Variants in DPF1 observed in about 807,000 individuals in gnomAD.
DPF1 encodes zinc finger protein neuro-d4.
DPF1 carries 14 observed loss-of-function variants against 58.7 expected under a neutral mutation model. That is an observed-to-expected ratio of 0.24 (90% CI 0.16 to 0.37). The LOEUF is 0.37. Ranked by LOEUF, DPF1 falls within the 10% of genes least tolerant of loss-of-function variation. The pLI, the probability that DPF1 is intolerant of heterozygous loss-of-function variation, is 1.00. For synonymous variants in DPF1, 216 were observed against 216.0 expected, an observed-to-expected ratio of 1.00 and a Z score of 0.00; for missense variants, 345 against 529.9, an observed-to-expected ratio of 0.65 and a Z score of 3.43.
chr19:38,227,187 T>A (rs1440174143), upstream of DPF1, among the ~76,000 whole-genome samples: 1 of 151,410 alleles, frequency 6.6e-6, no homozygotes, highest in Non-Finnish European at 1.5e-5. Context: ...CAAGCGATCC[T>A]CCCACCTCAA....
upstream of DPF1, among the ~76,000 whole-genome samples, chr19:38,227,005 C>T (rs57702038): frequency 0.54 from 70,908 of 131,434 alleles, 19,450 homozygotes; most frequent in African/African-American, 0.66. Context: ...TTCCTTCCTT[C>T]CTTCCTTCCT....
At chr19:38,218,700 G>A (rs1470645522) in intron 4 of DPF1, 38 bp from the exon 5 acceptor site, 1 of 1,610,066 alleles carries the variant, frequency 6.2e-7, no homozygotes, top group Non-Finnish European at 8.5e-7. Context: ...AAGAAAGTGG[G>A]GGCCACTGAC....
chr19:38,217,544 TGTAGTG>T lies in DPF1; in HGVS notation c.637_642del (p.His213_Tyr214del). 1 of 1,551,062 alleles carries T rather than the reference TGTAGTG, an allele frequency of 6.4e-7. No homozygotes were observed. Among genetic ancestry groups the T allele is most frequent in the Non-Finnish European group, 8.7e-7 (1 of 1,146,846 alleles). On this transcript the variant is annotated inframe_deletion, in exon 7 of 12. Transcript: ENST00000355526. ...TCCTCCTCGGCCAGGTGGGTGTGGG[TGTAGTG>T]GTAGCTGAGCCCCGGCCGGTTCTTA...
Position 38,224,100 on chromosome 19 carries a change from C to T in DPF1, c.29+14G>A. ...GCCCGCGCTTCCTCTCCGCCTCCCGCCGGCCCGCACCACCTCAGGGGGCCA... is the reference window on the plus strand; with the variant it reads ...GCCCGCGCTTCCTCTCCGCCTCCCGTCGGCCCGCACCACCTCAGGGGGCCA... On this transcript the variant is annotated intron_variant, in intron 1 of 11. Coordinates refer to ENST00000355526, the MANE Select transcript of DPF1 (RefSeq NM_001135155.3). The surrounding 1 kb of genome is among the most constrained non-coding windows in gnomAD (Gnocchi z 4.5). 1 of 1,502,546 alleles carries T rather than the reference C, an allele frequency of 6.7e-7. No homozygotes were observed. The allele number at this position is 1,502,546 out of a possible 1,614,324, so 93.1% of individuals were successfully genotyped here.
At chr19:38,228,571 C>T (rs1190188357), upstream of DPF1, 7 of 141,772 alleles carry the variant, frequency 4.9e-5, no homozygotes, top group Non-Finnish European at 9.3e-5. Flanking sequence ...GCCTCGCTCG[C>T]CTGCGGGGAG....
chr19:38,218,732 C>T (rs1182911742), intron 4 of DPF1, 70 bp from the exon 5 acceptor site: 1 of 1,578,798 alleles, frequency 6.3e-7, no homozygotes, highest in African/African-American at 1.3e-5. Context: ...GGGCTCTGGG[C>T]AAAGGTGGAG....
chr19:38,212,754 G>T (rs1973545810), intron 10 of DPF1, among the ~76,000 whole-genome samples: 8 of 149,452 alleles, frequency 5.4e-5, no homozygotes, highest in Admixed American at 5.3e-4. Context: ...GGGACTACAG[G>T]TGTGCGCCAC....
In DPF1 at chr19:38,229,354, C is replaced by G. The variant is rs960248792; in HGVS notation, c.-132+205G>C. On this transcript the variant is annotated intron_variant, in intron 1 of 11. Transcript: ENST00000412732. This position sits in a 1 kb window ranked among gnomAD's most constrained non-coding sequence, Gnocchi z 5.3. ...TTCACTGACAGCGACAAAGAAGAGG[C>G]GCCCCCGCGACCCTGGAGGGGCTCC... Among the ~76,000 whole-genome samples the G allele has an allele frequency of 2.6e-5, 4 of 152,002 alleles. No individual in the cohort carries two copies. Among genetic ancestry groups the G allele is most frequent in the Non-Finnish European group, 5.9e-5 (4 of 67,966 alleles).
intron 3 of DPF1, 106 bp from the exon 4 acceptor site, chr19:38,219,164 C>T: frequency 2.0e-6 from 3 of 1,502,780 alleles, no homozygotes; most frequent in Non-Finnish European, 1.8e-6. Context: ...GAAGAGGCTG[C>T]AGAGGCAAGG....
intron 7 of DPF1, among the ~76,000 whole-genome samples, chr19:38,216,864 C>G (rs1967058196): frequency 6.6e-6 from 1 of 152,222 alleles, no homozygotes; most frequent in African/African-American, 2.4e-5. Context: ...CAACTGCACC[C>G]TCAGTAATTT....
At chr19:38,225,117 A>G (rs1489534771), upstream of DPF1, among the ~76,000 whole-genome samples, 2 of 152,176 alleles carry the variant, frequency 1.3e-5, no homozygotes, top group Non-Finnish European at 2.9e-5. Flanking sequence ...ATGGTGGCGC[A>G]TGCTTATACT....
chr19:38,226,480 C>T (rs1967824622), upstream of DPF1, among the ~76,000 whole-genome samples: 1 of 143,612 alleles, frequency 7.0e-6, no homozygotes. Context: ...CCAGTCAAGG[C>T]CTCCTACACT....
At chr19:38,224,363 A>G, upstream of DPF1, 1 of 1,145,244 alleles carries the variant, frequency 8.7e-7, no homozygotes, top group Non-Finnish European at 1.1e-6. This position sits in a 1 kb window ranked among gnomAD's most constrained non-coding sequence, Gnocchi z 4.5. Flanking sequence ...GGCGCGGAGG[A>G]GGGGCCCGGG....
Position 38,223,457 on chromosome 19 carries a change from C to T in DPF1, c.29+657G>A, listed in dbSNP as rs146173600. 2.1e-3 allele frequency among the ~76,000 whole-genome samples: 319 copies of T among 152,102 alleles called. 1 individual carries two copies. Among genetic ancestry groups the T allele is most frequent in the African/African-American group, 7.3e-3 (302 of 41,484 alleles). ...CACACATTTACAAAGATGCACGATG[C>T]GCAACCAGTATCTAAAATATCACAC... On this transcript the variant is annotated intron_variant, in intron 1 of 11. Coordinates refer to ENST00000355526, the MANE Select transcript of DPF1 (RefSeq NM_001135155.3).
upstream of DPF1, chr19:38,228,820 G>C (rs1967934075): frequency 6.6e-6 from 1 of 152,158 alleles, no homozygotes; most frequent in Non-Finnish European, 1.5e-5. Flanking sequence ...GGGAAGAGGC[G>C]AACGCTCGGA....
chr19:38,224,325 G>A, upstream of DPF1: 1 of 1,246,316 alleles, frequency 8.0e-7, no homozygotes. The surrounding 1 kb of genome is among the most constrained non-coding windows in gnomAD (Gnocchi z 4.5). Flanking sequence ...CAGGCCAGGG[G>A]GCCCCCGGGA....
chr19:38,218,836 G>A, intron 4 of DPF1, 95 bp downstream of exon 4: 2 of 1,573,606 alleles, frequency 1.3e-6, no homozygotes, highest in African/African-American at 1.3e-5. Flanking sequence ...GAAGAAACCG[G>A]GGGGGTTTCA....
chr19:38,224,064 C>A lies in DPF1; in HGVS notation c.29+50G>T. 6.7e-7 allele frequency: 1 copy of A among 1,488,498 alleles called. No individual in the cohort carries two copies. Among genetic ancestry groups the A allele is most frequent in the South Asian group, 1.4e-5 (1 of 71,734 alleles). The allele number at this position is 1,488,498 out of a possible 1,614,324, so 92.2% of individuals were successfully genotyped here. ...CCCGGTCGCCACACACACACAGGCCCGCGTAGACCCGCCCGCGCTTCCTCT... is the reference window on the plus strand; with the variant it reads ...CCCGGTCGCCACACACACACAGGCCAGCGTAGACCCGCCCGCGCTTCCTCT... On this transcript the variant is annotated intron_variant, in intron 1 of 11. Transcript: ENST00000355526. The surrounding 1 kb of genome is among the most constrained non-coding windows in gnomAD (Gnocchi z 4.5).
chr19:38,219,662 A>G (rs944188787), intron 3 of DPF1: 2 of 152,074 alleles, frequency 1.3e-5, no homozygotes, highest in African/African-American at 2.4e-5. Flanking sequence ...TAATTTTTGT[A>G]TTTTTGGTAG....
Sources: gnomAD v4.1 joint callset for allele counts (sites outside exome capture counted in the v4.1 genomes callset) on GRCh38, gnomAD v4.1.1 for gene constraint, Gnocchi (gnomAD v3.1) non-coding constraint, MANE v1.5 for transcripts, NCBI Gene and HGNC (gene_info 2026-07-23, HGNC 2026-07-21) for gene names.